Variants in CREB3L4 observed in about 807,000 individuals in gnomAD.
CREB3L4 encodes cAMP responsive element binding protein 3 like 4.
Under a neutral mutation model 37.0 loss-of-function variants are expected in CREB3L4, and 28 were observed. The ratio of observed to expected loss-of-function variants is 0.76; its 90% CI spans 0.56 to 1.04. CREB3L4 has a LOEUF of 1.04. Ranked by LOEUF, CREB3L4 falls within the 50% of genes least tolerant of loss-of-function variation. The pLI is 0.00. For missense variants in CREB3L4, 462 were observed against 486.0 expected, an observed-to-expected ratio of 0.95 and a Z score of 0.46; for synonymous variants, 175 against 192.2, an observed-to-expected ratio of 0.91 and a Z score of 0.74.
In CREB3L4 at chr1:153,969,090, T is replaced by C; in HGVS notation, c.335T>C (p.Leu112Pro). 1 of 1,614,100 alleles carries C rather than the reference T, an allele frequency of 6.2e-7. No homozygotes were observed. The highest frequency in any genetic ancestry group is 8.5e-7 in the Non-Finnish European group (1 of 1,180,006). The change falls in exon 3 of 10, where the codon CTC becomes CCC. Residue 112 changes from leucine (L) to proline (P), a missense_variant. Leu to Pro is a moderately conservative substitution (Grantham distance 98). Transcript: ENST00000368607. ...CCCAGGGCAACCAGTTCTCCTATGC[T>C]CTATGAGGTTGTCTATGAGGCAGGG... ...PAPRATSSPM[L>P]YEVVYEAGAL... is the part of the protein sequence containing the mutation.
chr1:153,971,604 TTTGTTG>T (rs1648388267), intron 4 of CREB3L4, among the ~76,000 whole-genome samples: 2 of 149,160 alleles, frequency 1.3e-5, no homozygotes, highest in African/African-American at 2.5e-5. Flanking sequence ...TTTTTTTTTT[TTTGTTG>T]TTTGTTTTAA....
In CREB3L4 at chr1:153,973,461, T is replaced by C; in HGVS notation, c.894T>C (p.Val298=). ...SNKAAQTSTC[V]LILLFSLALI... is the part of the protein sequence containing the mutation. ...AAGCTGCCCAGACCAGCACTTGTGTTTTGGTACCATTAGTCTATCTACTCC... is the reference window on the plus strand; with the variant it reads ...AAGCTGCCCAGACCAGCACTTGTGTCTTGGTACCATTAGTCTATCTACTCC... Residue 298 remains valine (V), a synonymous_variant, in exon 8 of 10, where the codon GTT becomes GTC. Coordinates refer to ENST00000368607, the MANE Select transcript of CREB3L4 (RefSeq NM_001255978.2). 6.2e-7 allele frequency: 1 copy of C among 1,613,574 alleles called. No individual in the cohort carries two copies. The highest frequency in any genetic ancestry group is 1.1e-5 in the South Asian group (1 of 91,062).
chr1:153,972,717 T>A lies in CREB3L4; in HGVS notation c.544-27T>A, dbSNP rs777060778. 3 of 1,595,864 alleles carry A rather than the reference T, an allele frequency of 1.9e-6. No individual in the cohort carries two copies. The Admixed American group carries it at 5.0e-5, about 27-fold the overall frequency. On this transcript the variant is annotated intron_variant, in intron 4 of 9. Transcript: ENST00000368607. ...GGGATGACCCCCTCCTCACTCCTAT[T>A]GCATCTTCTCCTGCCCCTACCCCCA...
upstream of CREB3L4, chr1:153,967,661 G>C (rs1184966060): frequency 9.8e-6 from 1 of 102,166 alleles, no homozygotes; most frequent in Non-Finnish European, 1.9e-5. Flanking sequence ...CCAAAAATAA[G>C]AATAAAGAAA....
intron 4 of CREB3L4, among the ~76,000 whole-genome samples, chr1:153,971,343 G>A (rs1245869687): frequency 4.6e-5 from 7 of 151,736 alleles, no homozygotes; most frequent in Non-Finnish European, 1.0e-4. Flanking sequence ...ACTCCAGCCT[G>A]GGCGACAGGG....
intron 4 of CREB3L4, among the ~76,000 whole-genome samples, chr1:153,971,771 A>C (rs1474136837): frequency 6.6e-6 from 1 of 152,222 alleles, no homozygotes; most frequent in South Asian, 2.1e-4. Context: ...GCCAAAAACC[A>C]TGAGCAGGCA....
intron 7 of CREB3L4, 41 bp downstream of exon 7, chr1:153,973,304 AG>A: frequency 6.2e-7 from 1 of 1,610,876 alleles, no homozygotes; most frequent in Non-Finnish European, 8.5e-7. Context: ...TTTTGAAGGC[AG>A]GTACAGCACA....
At position 153,973,658 on chromosome 1, in the gene CREB3L4, C is replaced by G. The variant is rs1191748649; in HGVS notation, c.936C>G (p.Ser312Arg). Reference sequence around the variant, plus strand: ...CCCTGGCTCTCATCATCCTGCCCAGCTTCAGTCCATTCCAGAGTCGACCAG... The same window carrying G: ...CCCTGGCTCTCATCATCCTGCCCAGGTTCAGTCCATTCCAGAGTCGACCAG... Reference protein sequence around the residue: ...LFSLALIILPSFSPFQSRPEA... With the variant: ...LFSLALIILPRFSPFQSRPEA... The change falls in exon 9 of 10, where the codon AGC becomes AGG. Residue 312 changes from serine (S) to arginine (R), a missense_variant. Physicochemically the swap from Ser to Arg is moderately radical, Grantham distance 110 (BLOSUM62 -1). Coordinates refer to ENST00000368607, the MANE Select transcript of CREB3L4 (RefSeq NM_001255978.2). 6.2e-7 allele frequency: 1 copy of G among 1,611,728 alleles called. No homozygotes were observed. The highest frequency in any genetic ancestry group is 8.5e-7 in the Non-Finnish European group (1 of 1,178,840).
chr1:153,972,176 C>T (rs1648439558), intron 4 of CREB3L4, among the ~76,000 whole-genome samples: 1 of 152,200 alleles, frequency 6.6e-6, no homozygotes, highest in Admixed American at 6.5e-5. Flanking sequence ...ACTCTCCGTA[C>T]ATCCTCTCCT....
rs1648664661 is a variant in CREB3L4, at chr1:153,973,915, T to C, written c.1038T>C (p.Asn346=). Residue 346 remains asparagine, a synonymous_variant, in exon 10 of 10, where the codon AAT becomes AAC. Coordinates refer to ENST00000368607, the MANE Select transcript of CREB3L4 (RefSeq NM_001255978.2). ...NILTHKDVTE[N]LETQVVESRL... ...TGACCCACAAGGACGTAACAGAAAA[T>C]CTGGAGACCCAAGTGGTAGAGTCCA... 6.2e-7 allele frequency: 1 copy of C among 1,613,876 alleles called. No individual in the cohort carries two copies. Among genetic ancestry groups the C allele is most frequent in the Non-Finnish European group, 8.5e-7 (1 of 1,180,000 alleles).
intron 4 of CREB3L4, among the ~76,000 whole-genome samples, chr1:153,971,757 A>G (rs1648401572): frequency 6.6e-6 from 1 of 152,134 alleles, no homozygotes; most frequent in Non-Finnish European, 1.5e-5. Context: ...TGGTTTTGCC[A>G]AAAGCCAAAA....
chr1:153,970,146 C>A (rs1465728046), intron 4 of CREB3L4, among the ~76,000 whole-genome samples: 1 of 151,988 alleles, frequency 6.6e-6, no homozygotes, highest in African/African-American at 2.4e-5. Context: ...CCAGGCTGGT[C>A]TTGAACTCCT....
intron 4 of CREB3L4, among the ~76,000 whole-genome samples, chr1:153,970,959 G>A (rs1386896175): frequency 7.4e-5 from 11 of 148,370 alleles, no homozygotes; most frequent in Admixed American, 3.3e-4. Context: ...TGGCCAGGAT[G>A]GTCTTGATCT....
chr1:153,968,596 C>G lies in CREB3L4; in HGVS notation c.71C>G (p.Ser24Cys). 1 of 1,614,132 alleles carries G rather than the reference C, an allele frequency of 6.2e-7. No individual in the cohort carries two copies. Among genetic ancestry groups the G allele is most frequent in the Non-Finnish European group, 8.5e-7 (1 of 1,180,020 alleles). Residue 24 changes from serine to cysteine, a missense_variant, in exon 2 of 10, where the codon TCC becomes TGC. By Grantham distance (112) the Ser-to-Cys change is moderately radical. Transcript: ENST00000368607. ...EPPEDIFSTGSVLELGLHCPP... is the reference protein window; with the variant it reads ...EPPEDIFSTGCVLELGLHCPP... Reference sequence around the variant, plus strand: ...CCAGAGGATATCTTCTCGACAGGATCCGTCCTGGAGCTGGGACTCCACTGC... The same window carrying G: ...CCAGAGGATATCTTCTCGACAGGATGCGTCCTGGAGCTGGGACTCCACTGC...
Position 153,972,965 on chromosome 1 carries a change from C to T in CREB3L4, c.637-7C>T. On this transcript the variant is annotated splice_polypyrimidine_tract_variant and splice_region_variant and intron_variant, in intron 5 of 9. Transcript: ENST00000368607. Reference sequence around the variant, plus strand: ...GACCCAGGACTCACACATCCTGGGCCTCCAAGGCAGAGGAGAGGGTCCTCA... The same window carrying T: ...GACCCAGGACTCACACATCCTGGGCTTCCAAGGCAGAGGAGAGGGTCCTCA... 1 of 1,613,822 alleles carries T rather than the reference C, an allele frequency of 6.2e-7. No individual in the cohort carries two copies. The highest frequency in any genetic ancestry group is 8.5e-7 in the Non-Finnish European group (1 of 1,179,722).
intron 4 of CREB3L4, among the ~76,000 whole-genome samples, chr1:153,971,159 G>A (rs1179864159): frequency 6.7e-6 from 1 of 149,558 alleles, no homozygotes; most frequent in East Asian, 2.1e-4. Flanking sequence ...CACGAGGTCA[G>A]GAGTTCGAGA....
In CREB3L4 at chr1:153,969,428, C is replaced by T. The variant is rs1247316728; in HGVS notation, c.516C>T (p.Thr172=). 1.1e-5 allele frequency: 17 copies of T among 1,613,982 alleles called. No individual in the cohort carries two copies. The highest frequency in any genetic ancestry group is 8.9e-5 in the East Asian group (4 of 44,894). ...AHAHILPRAG[T]VAPVPCTTLL... is the part of the protein sequence containing the mutation. ...CCCACATCCTGCCCAGAGCAGGCAC[C>T]GTAGCCCCAGTGCCCTGTACAACCC... Residue 172 remains threonine (T), a synonymous_variant, in exon 4 of 10, where the codon ACC becomes ACT. Transcript: ENST00000368607.
chr1:153,968,830 C>A, intron 2 of CREB3L4, 100 bp from the exon 3 acceptor site: 1 of 1,522,032 alleles, frequency 6.6e-7, no homozygotes, highest in Non-Finnish European at 8.9e-7. Flanking sequence ...TAATAACTGT[C>A]TCCATGCCCA....
intron 6 of CREB3L4, 38 bp downstream of exon 6, chr1:153,973,116 T>C: frequency 1.2e-6 from 2 of 1,608,662 alleles, no homozygotes; most frequent in Non-Finnish European, 1.7e-6. Flanking sequence ...GTGGGCCATG[T>C]CTGGGCCCCT....
Sources: allele counts gnomAD v4.1 joint callset (sites outside exome capture counted in the v4.1 genomes callset), GRCh38; gene constraint gnomAD v4.1.1; transcripts MANE v1.5; gene names NCBI Gene and HGNC (gene_info 2026-07-23, HGNC 2026-07-21).